PRKG2: variants seen among roughly 807,000 people sequenced by gnomAD.
The protein encoded by PRKG2 is protein kinase cGMP-dependent 2, also known as cGMP-dependent protein kinase 2.
In PRKG2, 33 loss-of-function variants were observed where a neutral mutation model predicts 97.2. The ratio of observed to expected loss-of-function variants is 0.34; its 90% CI spans 0.26 to 0.45. The LOEUF (loss-of-function observed/expected upper bound fraction) is 0.45, where lower values mean the gene tolerates loss of function less well. Ranked by LOEUF, PRKG2 falls within the 20% of genes least tolerant of loss-of-function variation. The probability of loss-of-function intolerance (pLI) is 1.00; values close to 1 mark genes in which losing one functional copy is unlikely to be tolerated. For missense variants in PRKG2, 638 were observed against 900.0 expected (o/e 0.71, Z 3.73); for synonymous variants, 330 against 321.8 (o/e 1.03, Z -0.27).
intron 2 of PRKG2, among the ~76,000 whole-genome samples, chr4:81,182,649 T>C (rs1358887674): frequency 1.3e-5 from 2 of 151,906 alleles, no homozygotes; most frequent in Non-Finnish European, 2.9e-5. Context: ...ATGTGAAAAA[T>C]TCAAAAGAAA....
Position 81,162,357 on chromosome 4 carries a change from C to G in PRKG2, c.912+4804G>C, listed in dbSNP as rs563619387. ...CTATGGCCATGTGATGAACTTTTAT[C>G]TAAAATAATCTGAGTGGAAGTGATC... On this transcript the variant is annotated intron_variant, in intron 6 of 18. Coordinates refer to ENST00000264399, the MANE Select transcript of PRKG2 (RefSeq NM_006259.3). Among the ~76,000 whole-genome samples the G allele has an allele frequency of 4.6e-5, 7 of 152,210 alleles. No individual in the cohort carries two copies. The South Asian group carries it at 1.5e-3, about 32-fold the overall frequency.
At chr4:81,098,913 A>C (rs912061101) in intron 17 of PRKG2, among the ~76,000 whole-genome samples, 1 of 152,226 alleles carries the variant, frequency 6.6e-6, no homozygotes, top group Non-Finnish European at 1.5e-5. Context: ...GCCCTGATAG[A>C]CTTGCTTGAT....
At chr4:81,106,513 T>C (rs1743357744) in intron 15 of PRKG2, among the ~76,000 whole-genome samples, 1 of 152,176 alleles carries the variant, frequency 6.6e-6, no homozygotes, top group Non-Finnish European at 1.5e-5. Context: ...CAGGATGATC[T>C]AAATTAGAGC....
At chr4:81,120,560 A>C (rs965192653) in intron 14 of PRKG2, among the ~76,000 whole-genome samples, 1 of 152,164 alleles carries the variant, frequency 6.6e-6, no homozygotes, top group Non-Finnish European at 1.5e-5. Flanking sequence ...GTACTAATGC[A>C]AATGGTATAG....
At chr4:81,097,039 C>G (rs1054358604) in intron 17 of PRKG2, among the ~76,000 whole-genome samples, 1 of 152,138 alleles carries the variant, frequency 6.6e-6, no homozygotes, top group Admixed American at 6.6e-5. Flanking sequence ...TATAGCCTTA[C>G]AAAATGTATT....
At position 81,137,399 on chromosome 4, in the gene PRKG2, C is replaced by G; in HGVS notation, c.1628G>C (p.Arg543Thr). Residue 543 changes from arginine (R) to threonine (T), a missense_variant, in exon 13 of 19, where the codon AGG becomes ACG. This residue lies in a region of PRKG2 where 304 missense variants were observed against 460.5 expected (regional missense o/e 0.66). Coordinates refer to ENST00000264399, the MANE Select transcript of PRKG2 (RefSeq NM_006259.3). ...CLGGELWSIL[R>T]DRGSFDEPTS... ...ATACAAACTTTTTCATTACCTGTCC[C>G]TTAATATACTCCAGAGCTCCCCACC... 2 of 1,606,962 alleles carry G rather than the reference C, an allele frequency of 1.2e-6. No homozygotes were observed. The highest frequency in any genetic ancestry group is 1.7e-6 in the Non-Finnish European group (2 of 1,173,656).
chr4:81,129,410 T>A (rs74986485), intron 14 of PRKG2, among the ~76,000 whole-genome samples: 5,966 of 152,218 alleles, frequency 0.039, 409 homozygotes, highest in African/African-American at 0.14. Context: ...TGTCCATTGA[T>A]CTGTCTAATG....
intron 2 of PRKG2, among the ~76,000 whole-genome samples, chr4:81,189,201 T>C (rs1377744932): frequency 7.9e-6 from 1 of 127,168 alleles, no homozygotes; most frequent in Non-Finnish European, 1.5e-5. Flanking sequence ...ATCTGTCTTA[T>C]TGTTTTGCCA....
At chr4:81,207,500 A>C (rs886367224) in intron 1 of PRKG2, among the ~76,000 whole-genome samples, 1 of 152,228 alleles carries the variant, frequency 6.6e-6, no homozygotes, top group Admixed American at 6.5e-5. Context: ...ATGGATTTGC[A>C]GTCAAATTTG....
chr4:81,092,469 G>GAAGGAAGGAAGT lies in PRKG2; in HGVS notation c.2127-18_2127-17insACTTCCTTCCTT. On this transcript the variant is annotated splice_polypyrimidine_tract_variant and intron_variant, in intron 17 of 18. Transcript: ENST00000264399. Reference sequence around the variant, plus strand: ...TTTAACCACCTGAGAAATGAGAAAGGAAGGAAGGAAGGAAGGAAGGAAGGA... The same window carrying GAAGGAAGGAAGT: ...TTTAACCACCTGAGAAATGAGAAAGGAAGGAAGGAAGTAAGGAAGGAAGGAAGGAAGGAAGGA... The GAAGGAAGGAAGT allele has an allele frequency of 1.8e-6, 1 of 551,760 alleles. No homozygotes were observed. The highest frequency in any genetic ancestry group is 2.8e-5 in the African/African-American group (1 of 35,138). 34.2% of individuals were successfully genotyped at this position (551,760 alleles called of 1,614,324 possible).
At chr4:81,163,715 A>T (rs914279947) in intron 6 of PRKG2, among the ~76,000 whole-genome samples, 41 of 152,152 alleles carry the variant, frequency 2.7e-4, no homozygotes, top group African/African-American at 9.9e-4. Flanking sequence ...GTGACAGAGG[A>T]CAAAGAAAAT....
At chr4:81,139,781 C>CAAAAAAAAAA (rs548249378) in intron 12 of PRKG2, among the ~76,000 whole-genome samples, 6 of 75,316 alleles carry the variant, frequency 8.0e-5, no homozygotes, top group Admixed American at 1.5e-4. Context: ...TCTCAAAAGA[C>CAAAAAAAAAA]AAAAAAAAAA....
At chr4:81,089,854 G>A (rs776308563) in intron 18 of PRKG2, 51 bp from the exon 19 acceptor site, 1 of 1,422,736 alleles carries the variant, frequency 7.0e-7, no homozygotes, top group African/African-American at 1.4e-5. Context: ...GACCAAGCAT[G>A]CTATCACATA....
chr4:81,163,413 T>C (rs187572739), intron 6 of PRKG2, among the ~76,000 whole-genome samples: 6 of 152,264 alleles, frequency 3.9e-5, no homozygotes, highest in Admixed American at 6.5e-5. Context: ...GCAATGGTTT[T>C]CAAGCATGTT....
At chr4:81,192,129 C>G (rs1286910865) in intron 2 of PRKG2, 4 of 152,072 alleles carry the variant, frequency 2.6e-5, no homozygotes, top group Non-Finnish European at 5.9e-5. Flanking sequence ...ATAGCAATGA[C>G]AATTAGTGAA....
chr4:81,149,558 G>T (rs1277991300), intron 8 of PRKG2, among the ~76,000 whole-genome samples: 1 of 152,034 alleles, frequency 6.6e-6, no homozygotes, highest in Non-Finnish European at 1.5e-5. Context: ...ATATAATATA[G>T]CAGTGCATCT....
At chr4:81,172,295 T>C (rs1005137415) in intron 3 of PRKG2, among the ~76,000 whole-genome samples, 1 of 152,080 alleles carries the variant, frequency 6.6e-6, no homozygotes, top group African/African-American at 2.4e-5. Flanking sequence ...TCACTGTATG[T>C]CATAAAAACA....
In PRKG2 at chr4:81,166,965, T is replaced by C. The variant is rs1750040312; in HGVS notation, c.912+196A>G. On this transcript the variant is annotated intron_variant, in intron 6 of 18. Transcript: ENST00000264399. ...CACATGCAAATCCAATTTCCTTTTA[T>C]ACATCTGAAGAGTTTAAACCTTTCT... 2.6e-5 allele frequency among the ~76,000 whole-genome samples: 4 copies of C among 152,148 alleles called. No individual in the cohort carries two copies. The South Asian group carries it at 8.3e-4, about 32-fold the overall frequency.
intron 16 of PRKG2, 27 bp from the exon 17 acceptor site, chr4:81,104,459 T>A (rs1743122876): frequency 9.1e-7 from 1 of 1,093,374 alleles, no homozygotes; most frequent in Non-Finnish European, 1.2e-6. Context: ...TAAAAGGCAA[T>A]TTATAATAAT....
Sources: allele counts gnomAD v4.1 joint callset (sites outside exome capture counted in the v4.1 genomes callset), GRCh38; gene constraint gnomAD v4.1.1; regional missense constraint gnomAD v4.1.1; transcripts MANE v1.5; gene names NCBI Gene and HGNC (gene_info 2026-07-23, HGNC 2026-07-21).